HTR7: variants seen among roughly 807,000 people sequenced by gnomAD.
HTR7 encodes the protein 5-HT-7.
Under a neutral mutation model 34.0 loss-of-function variants are expected in HTR7, and 16 were observed. That is an observed-to-expected ratio of 0.47 (90% CI 0.32 to 0.71). HTR7 has a LOEUF of 0.71. HTR7 is among the 30% of genes least tolerant of loss of function. HTR7 has a pLI of 0.04. For missense variants in HTR7, 504 were observed against 625.5 expected (o/e 0.81, Z 2.07); for synonymous variants, 265 against 260.2 (o/e 1.02, Z -0.18).
chr10:90,819,596 G>A lies in HTR7; in HGVS notation c.539+37537C>T, dbSNP rs550840132. Among the ~76,000 whole-genome samples, 321 of 152,252 alleles carry A rather than the reference G, an allele frequency of 2.1e-3. 1 individual carries two copies. The highest frequency in any genetic ancestry group is 0.01 in the Middle Eastern group (3 of 294). ...CTCACGAAGGCTTTGCCTGATAGTT[G>A]GTTTCTATTTCTGGGGCCAACTCAC... On this transcript the variant is annotated intron_variant, in intron 1 of 3. Coordinates refer to ENST00000336152, the MANE Select transcript of HTR7 (RefSeq NM_019859.4).
chr10:90,812,714 TTC>T (rs1442704752), intron 1 of HTR7, among the ~76,000 whole-genome samples: 1 of 151,858 alleles, frequency 6.6e-6, no homozygotes. Flanking sequence ...ACATCGCCCA[TTC>T]TCTCTCTCCA....
At chr10:90,819,761 C>T (rs1845949827) in intron 1 of HTR7, among the ~76,000 whole-genome samples, 1 of 151,924 alleles carries the variant, frequency 6.6e-6, no homozygotes, top group South Asian at 2.1e-4. Context: ...TTCAGATTGG[C>T]ATCAGCTAGC....
chr10:90,852,987 A>C (rs948656927), intron 1 of HTR7, among the ~76,000 whole-genome samples: 3 of 152,178 alleles, frequency 2.0e-5, no homozygotes, highest in African/African-American at 7.2e-5. Flanking sequence ...TTCTATATGA[A>C]TTTCAAAAAG....
rs1417129104 is a variant in HTR7 at position 90,742,351 on chromosome 10, C to A, written c.*131G>T. On this transcript the variant is annotated 3_prime_UTR_variant, in exon 4 of 4. Coordinates refer to ENST00000336152, the MANE Select transcript of HTR7 (RefSeq NM_019859.4). ...ATAAGATAGTGTGTACAACAGATCA[C>A]CCTGTTTGTCATGTTTTAGACATCC... The A allele has an allele frequency of 3.0e-6, 2 of 667,708 alleles. No homozygotes were observed. Among genetic ancestry groups the A allele is most frequent in the African/African-American group, 1.8e-5 (1 of 55,520 alleles). The allele number at this position is 667,708 out of a possible 1,614,324, so 41.4% of individuals were successfully genotyped here.
intron 1 of HTR7, among the ~76,000 whole-genome samples, chr10:90,849,330 GT>G (rs1171300079): frequency 1.3e-5 from 2 of 152,074 alleles, no homozygotes; most frequent in Non-Finnish European, 2.9e-5. Context: ...ACACTTGGTA[GT>G]TTTTTGACAT....
At chr10:90,790,772 C>T (rs1845449503) in intron 1 of HTR7, among the ~76,000 whole-genome samples, 1 of 151,836 alleles carries the variant, frequency 6.6e-6, no homozygotes, top group South Asian at 2.1e-4. Context: ...AACTACTCAT[C>T]CATGTAAATC....
intron 1 of HTR7, among the ~76,000 whole-genome samples, chr10:90,771,131 C>A (rs185353870): frequency 4.6e-5 from 7 of 152,206 alleles, no homozygotes; most frequent in Admixed American, 4.6e-4. Context: ...GGGAGCCAAA[C>A]ACTTGTTGGG....
chr10:90,839,288 G>A (rs1846294023), intron 1 of HTR7, among the ~76,000 whole-genome samples: 1 of 152,092 alleles, frequency 6.6e-6, no homozygotes, highest in South Asian at 2.1e-4. Context: ...CAAACATACA[G>A]AATATACATT....
rs1389097474 is a variant in HTR7 at position 90,743,701 on chromosome 10, T to A, written c.1296-11A>T. The stretch of plus-strand genomic sequence containing the variant: ...CTTGTGCAGGCCCTCCTGCAATTTA[T>A]GGCAATTCAAAGCAAATCCATAAGT... On this transcript the variant is annotated splice_polypyrimidine_tract_variant and intron_variant, in intron 2 of 3. Coordinates refer to ENST00000336152, the MANE Select transcript of HTR7 (RefSeq NM_019859.4). 3.1e-6 allele frequency: 5 copies of A among 1,601,970 alleles called. No homozygotes were observed. The East Asian group carries it at 1.1e-4, about 36-fold the overall frequency.
At chr10:90,772,724 T>G (rs773014356) in intron 1 of HTR7, among the ~76,000 whole-genome samples, 7 of 152,206 alleles carry the variant, frequency 4.6e-5, no homozygotes, top group Non-Finnish European at 1.0e-4. Context: ...ATGCCCAGAA[T>G]AAGTATTACT....
chr10:90,811,459 CCT>C (rs1554856448), intron 1 of HTR7, among the ~76,000 whole-genome samples: 9 of 152,104 alleles, frequency 5.9e-5, no homozygotes, highest in East Asian at 1.9e-4. Context: ...TTCCTTCTCC[CCT>C]GTTTCTCACC....
At chr10:90,845,739 C>T (rs538748960) in intron 1 of HTR7, among the ~76,000 whole-genome samples, 10 of 152,238 alleles carry the variant, frequency 6.6e-5, no homozygotes, top group Admixed American at 1.3e-4. Context: ...CACCGCCCTG[C>T]ATCTGGAGAC....
At chr10:90,825,651 A>G (rs1846059870) in intron 1 of HTR7, among the ~76,000 whole-genome samples, 1 of 152,218 alleles carries the variant, frequency 6.6e-6, no homozygotes, top group Non-Finnish European at 1.5e-5. Context: ...TAAATATAAC[A>G]AAGGAATTCA....
intron 1 of HTR7, among the ~76,000 whole-genome samples, chr10:90,789,230 A>G (rs972147816): frequency 1.3e-5 from 2 of 152,166 alleles, no homozygotes; most frequent in African/African-American, 4.8e-5. Flanking sequence ...TACCACAAAA[A>G]GCTCCTGAAA....
chr10:90,785,622 C>T (rs1438342941), intron 1 of HTR7, among the ~76,000 whole-genome samples: 1 of 152,160 alleles, frequency 6.6e-6, no homozygotes, highest in Non-Finnish European at 1.5e-5. Flanking sequence ...ATTCCCCCAC[C>T]AATCTTAACA....
intron 1 of HTR7, among the ~76,000 whole-genome samples, chr10:90,826,658 G>A (rs918454882): frequency 2.6e-5 from 4 of 152,166 alleles, no homozygotes; most frequent in African/African-American, 9.7e-5. Context: ...GTGTTAAGTT[G>A]TCATAAGTTT....
chr10:90,796,960 C>T (rs1360944654), intron 1 of HTR7, among the ~76,000 whole-genome samples: 3 of 150,434 alleles, frequency 2.0e-5, no homozygotes, highest in South Asian at 2.1e-4. Context: ...TGCAGTGAGC[C>T]GAGATCATGC....
intron 3 of HTR7, 111 bp from the exon 4 acceptor site, chr10:90,742,639 T>C: frequency 1.5e-6 from 1 of 688,824 alleles, no homozygotes; most frequent in Admixed American, 2.4e-5. Context: ...ATTTGAATCA[T>C]TTGTGGCTTT....
intron 1 of HTR7, among the ~76,000 whole-genome samples, chr10:90,852,653 A>T (rs1008971162): frequency 3.3e-5 from 5 of 152,236 alleles, no homozygotes; most frequent in African/African-American, 9.6e-5. Context: ...ACAACGGAAT[A>T]CTACTTATCA....
Sources: gnomAD v4.1 joint callset for allele counts (sites outside exome capture counted in the v4.1 genomes callset) on GRCh38, gnomAD v4.1.1 for gene constraint, MANE v1.5 for transcripts, NCBI Gene and HGNC (gene_info 2026-07-23, HGNC 2026-07-21) for gene names.